CDCA2: variants seen among roughly 807,000 people sequenced by gnomAD.
CDCA2 encodes cell division cycle-associated protein 2.
CDCA2 carries 44 observed loss-of-function variants against 67.0 expected under a neutral mutation model. The observed-to-expected ratio is 0.66, with a 90% CI of 0.52 to 0.84. CDCA2 has a LOEUF of 0.84. Among genes scored for constraint, CDCA2 ranks in the 40% least tolerant of loss-of-function variants. The pLI, the probability that CDCA2 is intolerant of heterozygous loss-of-function variation, is 0.00. For missense variants in CDCA2, 1,253 were observed against 1,203.2 expected, an observed-to-expected ratio of 1.04 and a Z score of -0.61; for synonymous variants, 447 against 418.7, an observed-to-expected ratio of 1.07 and a Z score of -0.82.
At chr8:25,477,139 A>G (rs1803383321) in intron 7 of CDCA2, among the ~76,000 whole-genome samples, 1 of 152,098 alleles carries the variant, frequency 6.6e-6, no homozygotes, top group African/African-American at 2.4e-5. Context: ...TTGACCAGCC[A>G]TCTCCTGGCT....
At chr8:25,483,378 A>G in intron 8 of CDCA2, 21 bp from the exon 9 acceptor site, 1 of 1,482,656 alleles carries the variant, frequency 6.7e-7, no homozygotes, top group Non-Finnish European at 9.1e-7. Context: ...AAAATTATTC[A>G]TTAATGTTTA....
chr8:25,497,506 T>TA (rs59516801), intron 13 of CDCA2, among the ~76,000 whole-genome samples: 83 of 36,188 alleles, frequency 2.3e-3, no homozygotes, highest in African/African-American at 4.0e-3. Context: ...AAATAAAAAA[T>TA]AAAAAAAAAA....
intron 14 of CDCA2, among the ~76,000 whole-genome samples, chr8:25,504,537 C>A (rs917420925): frequency 6.6e-6 from 1 of 152,056 alleles, no homozygotes; most frequent in Admixed American, 6.5e-5. Flanking sequence ...CTCCTATTTG[C>A]GGTATACCAT....
chr8:25,467,590 GTCA>G (rs1246847315), intron 5 of CDCA2, among the ~76,000 whole-genome samples: 3 of 152,048 alleles, frequency 2.0e-5, no homozygotes, highest in African/African-American at 2.4e-5. Flanking sequence ...AATAACAGGT[GTCA>G]TCATTTAAAA....
intron 4 of CDCA2, among the ~76,000 whole-genome samples, chr8:25,464,784 A>G (rs1279987635): frequency 2.0e-5 from 3 of 152,214 alleles, no homozygotes; most frequent in Non-Finnish European, 2.9e-5. Flanking sequence ...ATGAATTGAC[A>G]TAAGCCTTTT....
chr8:25,462,035 T>TAAGAG lies in CDCA2; in HGVS notation c.233-17_233-13dup. On this transcript the variant is annotated intron_variant, in intron 3 of 14. Transcript: ENST00000330560. ...GATTGCCTTGTTTTGTTCCAATTTA[T>TAAGAG]AAGAGAGTTTCATTACAGGAAAGTC... The TAAGAG allele has an allele frequency of 1.2e-6, 2 of 1,609,034 alleles. No homozygotes were observed. Among genetic ancestry groups the TAAGAG allele is most frequent in the Non-Finnish European group, 1.7e-6 (2 of 1,175,818 alleles).
chr8:25,465,572 A>G (rs571085440), intron 4 of CDCA2, among the ~76,000 whole-genome samples: 7 of 146,738 alleles, frequency 4.8e-5, no homozygotes, highest in East Asian at 1.9e-4. Flanking sequence ...TGCTTATACC[A>G]TCAAACTTTG....
intron 13 of CDCA2, among the ~76,000 whole-genome samples, chr8:25,497,977 A>G (rs1243226319): frequency 6.6e-6 from 1 of 152,184 alleles, no homozygotes; most frequent in Non-Finnish European, 1.5e-5. Context: ...TATAGGAAAA[A>G]TGCCTCAATT....
rs768996349 is a variant in CDCA2 at position 25,503,509 on chromosome 8, C to A, written c.1808C>A (p.Thr603Lys). ...GAGCTGCCTGAAGTCCCTGAGATGA[C>A]ACCTTCCATTCCGAGCATCCGAAGA... ...IPELPEVPEM[T>K]PSIPSIRRLG... is the part of the protein sequence containing the mutation. The change falls in exon 14 of 15, where the codon ACA becomes AAA. Residue 603 changes from threonine (T) to lysine (K), a missense_variant. By Grantham distance (78) the Thr-to-Lys change is moderately conservative. Transcript: ENST00000330560. 6.2e-7 allele frequency: 1 copy of A among 1,613,486 alleles called. No individual in the cohort carries two copies. Among genetic ancestry groups the A allele is most frequent in the Non-Finnish European group, 8.5e-7 (1 of 1,179,864 alleles).
intron 5 of CDCA2, among the ~76,000 whole-genome samples, chr8:25,467,617 A>G (rs543655991): frequency 2.0e-5 from 3 of 152,190 alleles, no homozygotes; most frequent in Non-Finnish European, 4.4e-5. Flanking sequence ...GTGAGGTACC[A>G]TATTAGACAT....
chr8:25,471,690 T>C (rs895861802), intron 7 of CDCA2, among the ~76,000 whole-genome samples: 2 of 152,306 alleles, frequency 1.3e-5, no homozygotes, highest in Non-Finnish European at 2.9e-5. Context: ...TTTGCTCTTA[T>C]GGGACTTTGC....
intron 13 of CDCA2, among the ~76,000 whole-genome samples, chr8:25,491,815 A>G (rs188907420): frequency 4.6e-4 from 69 of 151,254 alleles, no homozygotes; most frequent in Middle Eastern, 3.5e-3. Flanking sequence ...TTTTCTTTTG[A>G]GATGAACTCT....
intron 5 of CDCA2, among the ~76,000 whole-genome samples, chr8:25,467,563 A>G (rs769391240): frequency 2.0e-5 from 3 of 152,208 alleles, no homozygotes; most frequent in Non-Finnish European, 4.4e-5. Context: ...GTATTAGAGC[A>G]TAACCACATC....
At chr8:25,503,289 A>C (rs1002872761) in intron 13 of CDCA2, 84 bp from the exon 14 acceptor site, 3 of 1,009,774 alleles carry the variant, frequency 3.0e-6, no homozygotes, top group African/African-American at 1.6e-5. Context: ...TCTCAAAAAT[A>C]AATAAAAATA....
intron 7 of CDCA2, among the ~76,000 whole-genome samples, chr8:25,478,767 C>G (rs1803446029): frequency 6.6e-6 from 1 of 151,946 alleles, no homozygotes; most frequent in Non-Finnish European, 1.5e-5. Flanking sequence ...TTTCAGGTGT[C>G]TGCTCAGGAA....
chr8:25,498,693 G>A (rs772876838), intron 13 of CDCA2, among the ~76,000 whole-genome samples: 11 of 151,898 alleles, frequency 7.2e-5, no homozygotes, highest in Non-Finnish European at 1.3e-4. Flanking sequence ...CTTTCCCATG[G>A]CCCTTTGTAG....
At position 25,487,819 on chromosome 8, in the gene CDCA2, A is replaced by T. The variant is rs550314073; in HGVS notation, c.1533+485A>T. On this transcript the variant is annotated intron_variant, in intron 12 of 14. Coordinates refer to ENST00000330560, the MANE Select transcript of CDCA2 (RefSeq NM_152562.4). ...GTGTTTCTGATTTGATTTTAATTCT[A>T]TTAGAAGAAAAATCTAGAAAGATGC... 2.6e-5 allele frequency among the ~76,000 whole-genome samples: 4 copies of T among 152,294 alleles called. No individual in the cohort carries two copies. The South Asian group carries it at 8.3e-4, about 32-fold the overall frequency.
rs577995688 is a variant in CDCA2, at chr8:25,493,985, G to A, written c.1671+5296G>A. Among the ~76,000 whole-genome samples, 133 of 152,318 alleles carry A rather than the reference G, an allele frequency of 8.7e-4. 2 individuals carry two copies. Among genetic ancestry groups the A allele is most frequent in the Admixed American group, 7.8e-3 (120 of 15,296 alleles). On this transcript the variant is annotated intron_variant, in intron 13 of 14. Transcript: ENST00000330560. Reference sequence around the variant, plus strand: ...TTCTTTGTAAAGCAAAAGACTAAAAGCAAACCATATGCTCATCAATATGAG... The same window carrying A: ...TTCTTTGTAAAGCAAAAGACTAAAAACAAACCATATGCTCATCAATATGAG...
chr8:25,483,277 G>A, intron 8 of CDCA2, 122 bp from the exon 9 acceptor site: 1 of 501,420 alleles, frequency 2.0e-6, no homozygotes, highest in Non-Finnish European at 3.4e-6. Context: ...GAAAATAAAG[G>A]TAATCTTTAA....
Sources: gnomAD v4.1 joint callset for allele counts (sites outside exome capture counted in the v4.1 genomes callset) on GRCh38, gnomAD v4.1.1 for gene constraint, MANE v1.5 for transcripts, NCBI Gene and HGNC (gene_info 2026-07-23, HGNC 2026-07-21) for gene names.